Variants in BAALC observed in about 807,000 individuals in gnomAD.
BAALC encodes the protein BAALC binder of MAP3K1 and KLF4.
In BAALC, 9 loss-of-function variants were observed where a neutral mutation model predicts 15.5. The observed-to-expected ratio is 0.58, with a 90% CI of 0.35 to 1.02. The LOEUF is 1.02. Ranked by LOEUF, BAALC falls within the 50% of genes least tolerant of loss-of-function variation. The pLI, the probability that BAALC is intolerant of heterozygous loss-of-function variation, is 0.02. For synonymous variants in BAALC, 80 were observed against 74.6 expected, an observed-to-expected ratio of 1.07 and a Z score of -0.37; for missense variants, 201 against 192.4, an observed-to-expected ratio of 1.04 and a Z score of -0.27.
intron 1 of BAALC, chr8:103,165,754 C>T (rs1811331824): frequency 6.6e-6 from 1 of 152,192 alleles, no homozygotes; most frequent in Non-Finnish European, 1.5e-5. Flanking sequence ...TAATTGAATA[C>T]TTGTGGCAAC....
chr8:103,188,491 G>T (rs1047105095), intron 1 of BAALC, among the ~76,000 whole-genome samples: 1 of 152,212 alleles, frequency 6.6e-6, no homozygotes, highest in Non-Finnish European at 1.5e-5. Context: ...CTGTATAACA[G>T]GCTGTGGTAT....
At chr8:103,147,330 C>A (rs1810897857) in intron 1 of BAALC, among the ~76,000 whole-genome samples, 1 of 152,104 alleles carries the variant, frequency 6.6e-6, no homozygotes, top group Admixed American at 6.6e-5. Flanking sequence ...TGAATAAGAC[C>A]TACTATTTGA....
rs150777486 is a variant in BAALC, at chr8:103,171,424, GAAAATAA to G, written c.160+30371_160+30377del. ...AGGAAAGAAAGAAAAGAGAGAGAAT[GAAAATAA>G]AAAGAAAGAGAAAGAAAGTAAGAAA... On this transcript the variant is annotated intron_variant, in intron 1 of 2. Coordinates refer to ENST00000309982, the MANE Select transcript of BAALC (RefSeq NM_024812.3). Among the ~76,000 whole-genome samples the G allele has an allele frequency of 7.9e-4, 118 of 149,512 alleles. 1 individual carries two copies. The highest frequency in any genetic ancestry group is 2.7e-3 in the African/African-American group (109 of 40,570).
chr8:103,141,196 C>A (rs1022316808), intron 1 of BAALC, 139 bp downstream of exon 1: 15 of 988,398 alleles, frequency 1.5e-5, no homozygotes, highest in Non-Finnish European at 1.8e-5. Context: ...GCAGGACCTG[C>A]CCACTGATCA....
At chr8:103,164,188 C>G (rs982068803) in intron 1 of BAALC, among the ~76,000 whole-genome samples, 1 of 152,018 alleles carries the variant, frequency 6.6e-6, no homozygotes, top group African/African-American at 2.4e-5. Flanking sequence ...AGGAGGGGCC[C>G]CCAGTAGTGC....
At chr8:103,145,330 CTT>C (rs1285351672) in intron 1 of BAALC, among the ~76,000 whole-genome samples, 3 of 152,250 alleles carry the variant, frequency 2.0e-5, no homozygotes, top group Admixed American at 2.0e-4. Flanking sequence ...ACAGACAACT[CTT>C]TCAATATTTG....
chr8:103,210,157 A>C (rs943639606), intron 1 of BAALC, among the ~76,000 whole-genome samples: 23 of 152,204 alleles, frequency 1.5e-4, no homozygotes, highest in Admixed American at 5.9e-4. Flanking sequence ...GGATGGAGAA[A>C]AGGTGGGAAT....
At chr8:103,215,615 G>T (rs962064935) in intron 2 of BAALC, among the ~76,000 whole-genome samples, 20 of 152,156 alleles carry the variant, frequency 1.3e-4, no homozygotes, top group Non-Finnish European at 1.0e-4. Flanking sequence ...GAAAGCAGCA[G>T]CTTTCTGGGG....
At chr8:103,213,719 G>C (rs1812503270) in intron 2 of BAALC, 1 of 152,524 alleles carries the variant, frequency 6.6e-6, no homozygotes, top group African/African-American at 2.4e-5. Flanking sequence ...CAGGGCTCAG[G>C]CATCTGCAGT....
At chr8:103,208,000 T>C (rs2130052389) in intron 1 of BAALC, among the ~76,000 whole-genome samples, 1 of 152,362 alleles carries the variant, frequency 6.6e-6, no homozygotes, top group East Asian at 1.9e-4. Flanking sequence ...AGATGACCCC[T>C]GCTCATTGTT....
chr8:103,209,169 T>A (rs535126939), intron 1 of BAALC, among the ~76,000 whole-genome samples: 1 of 152,162 alleles, frequency 6.6e-6, no homozygotes, highest in African/African-American at 2.4e-5. Flanking sequence ...GCCAGGAGTT[T>A]GAGACCAGCC....
At chr8:103,176,150 GCTAA>G (rs1227038951) in intron 1 of BAALC, among the ~76,000 whole-genome samples, 1 of 152,154 alleles carries the variant, frequency 6.6e-6, no homozygotes, top group African/African-American at 2.4e-5. Flanking sequence ...TGATCAAGGT[GCTAA>G]CTTTTTATTT....
rs74473275 is a variant in BAALC at position 103,179,103 on chromosome 8, C to T, written c.161-33816C>T. Among the ~76,000 whole-genome samples, 835 of 152,300 alleles carry T rather than the reference C, an allele frequency of 5.5e-3. 6 individuals carry two copies. Among genetic ancestry groups the T allele is most frequent in the African/African-American group, 0.018 (750 of 41,576 alleles). On this transcript the variant is annotated intron_variant, in intron 1 of 2. Coordinates refer to ENST00000309982, the MANE Select transcript of BAALC (RefSeq NM_024812.3). ...TCAGACAGAAAAGAAACTCATCATGCATGATCAGTTCTCAGAATTGTAAAC... is the reference window on the plus strand; with the variant it reads ...TCAGACAGAAAAGAAACTCATCATGTATGATCAGTTCTCAGAATTGTAAAC...
intron 1 of BAALC, among the ~76,000 whole-genome samples, chr8:103,185,659 C>A (rs948914753): frequency 6.6e-6 from 1 of 152,216 alleles, no homozygotes; most frequent in Non-Finnish European, 1.5e-5. Flanking sequence ...CCTCACTGAG[C>A]GATCTGGGGA....
chr8:103,152,094 A>G (rs1295198779), intron 1 of BAALC, among the ~76,000 whole-genome samples: 1 of 152,040 alleles, frequency 6.6e-6, no homozygotes, highest in African/African-American at 2.4e-5. Flanking sequence ...AGGCAGAACG[A>G]TCTTTTAAAA....
chr8:103,223,005 T>C (rs1812714338), intron 2 of BAALC, among the ~76,000 whole-genome samples: 1 of 152,194 alleles, frequency 6.6e-6, no homozygotes, highest in Non-Finnish European at 1.5e-5. Context: ...TGTGGGACTT[T>C]TAGTTTTAAA....
chr8:103,177,227 T>C (rs1425128790), intron 1 of BAALC, among the ~76,000 whole-genome samples: 2 of 151,362 alleles, frequency 1.3e-5, no homozygotes, highest in African/African-American at 4.8e-5. Flanking sequence ...CTCATTCTAT[T>C]GCCCAGTGGG....
chr8:103,171,647 C>T (rs1332125961), intron 1 of BAALC, among the ~76,000 whole-genome samples: 2 of 152,132 alleles, frequency 1.3e-5, no homozygotes, highest in Admixed American at 6.5e-5. Flanking sequence ...CTAGAAAACA[C>T]TAGTTCTAAA....
rs1366243788 is a variant in BAALC at position 103,141,089 on chromosome 8, C to A, written c.160+32C>A. On this transcript the variant is annotated intron_variant, in intron 1 of 2. Coordinates refer to ENST00000309982, the MANE Select transcript of BAALC (RefSeq NM_024812.3). ...GGCCGGGCCCCTGCAGACCCTCGCC[C>A]GCCCGCTACCCCGGGCGCCTTGGCC... 2.8e-6 allele frequency: 4 copies of A among 1,405,802 alleles called. No individual in the cohort carries two copies. The South Asian group carries it at 4.8e-5, about 17-fold the overall frequency. The allele number at this position is 1,405,802 out of a possible 1,614,324, so 87.1% of individuals were successfully genotyped here.
Sources: allele counts gnomAD v4.1 joint callset (sites outside exome capture counted in the v4.1 genomes callset), GRCh38; gene constraint gnomAD v4.1.1; transcripts MANE v1.5; gene names NCBI Gene and HGNC (gene_info 2026-07-23, HGNC 2026-07-21).